The following ZNF367 variants were observed in gnomAD, a reference collection of about 807,000 sequenced individuals.
ZNF367 encodes the protein zinc finger protein 367.
In ZNF367, 11 loss-of-function variants were observed where a neutral mutation model predicts 31.8. The ratio of observed to expected loss-of-function variants is 0.35; its 90% CI spans 0.22 to 0.57. ZNF367 has a LOEUF of 0.57. Among genes scored for constraint, ZNF367 ranks in the 20% least tolerant of loss-of-function variants. The pLI, the probability that ZNF367 is intolerant of heterozygous loss-of-function variation, is 0.85. For synonymous variants in ZNF367, 199 were observed against 202.4 expected (o/e 0.98, Z 0.14); for missense variants, 353 against 484.1 (o/e 0.73, Z 2.54).
At chr9:96,390,106 C>A (rs904444013) in intron 4 of ZNF367, among the ~76,000 whole-genome samples, 1 of 151,538 alleles carries the variant, frequency 6.6e-6, no homozygotes, top group African/African-American at 2.4e-5. Context: ...AGGGTCCTGC[C>A]ATTTAGCCAG....
rs1441225416 is a variant in ZNF367, at chr9:96,417,421, G to A, written c.420+192C>T. On this transcript the variant is annotated intron_variant, in intron 1 of 4. Transcript: ENST00000375256. The surrounding 1 kb of genome is among the most constrained non-coding windows in gnomAD (Gnocchi z 5.0). Reference sequence around the variant, plus strand: ...AAGGACGGTCTCCCGCGCCGCTCCCGCCTGTCACGTGACAGGCCCCCCCCG... The same window carrying A: ...AAGGACGGTCTCCCGCGCCGCTCCCACCTGTCACGTGACAGGCCCCCCCCG... Among the ~76,000 whole-genome samples the A allele has an allele frequency of 1.6e-5, 2 of 127,740 alleles. No individual in the cohort carries two copies. Among genetic ancestry groups the A allele is most frequent in the Non-Finnish European group, 3.2e-5 (2 of 62,994 alleles). The allele number at this position is 127,740 out of a possible 152,430, so 83.8% of individuals were successfully genotyped here.
chr9:96,413,706 G>A (rs1339911121), intron 1 of ZNF367, among the ~76,000 whole-genome samples: 1 of 152,144 alleles, frequency 6.6e-6, no homozygotes, highest in Non-Finnish European at 1.5e-5. Flanking sequence ...TATGCCAACA[G>A]TGCTAAGCAC....
chr9:96,415,106 G>A (rs1467555600), intron 1 of ZNF367, among the ~76,000 whole-genome samples: 1 of 150,040 alleles, frequency 6.7e-6, no homozygotes, highest in East Asian at 2.0e-4. Context: ...CCAGGCTGGA[G>A]TGCAGTGGCA....
chr9:96,390,541 G>C (rs1291172606), intron 4 of ZNF367, among the ~76,000 whole-genome samples: 1 of 152,176 alleles, frequency 6.6e-6, no homozygotes, highest in Non-Finnish European at 1.5e-5. Flanking sequence ...GGCTGAATTT[G>C]AGTTAGTAAG....
At chr9:96,389,254 CG>C (rs1453185637) in intron 4 of ZNF367, among the ~76,000 whole-genome samples, 2 of 149,458 alleles carry the variant, frequency 1.3e-5, no homozygotes, top group Non-Finnish European at 3.0e-5. Context: ...AAGCTGAAGT[CG>C]GGCCGCTGCA....
chr9:96,393,220 T>TA (rs1159653992), intron 3 of ZNF367, among the ~76,000 whole-genome samples: 1 of 151,820 alleles, frequency 6.6e-6, no homozygotes, highest in East Asian at 1.9e-4. Context: ...CAAGAACATT[T>TA]AAAAAACAAA....
At chr9:96,415,519 A>G (rs1312849076) in intron 1 of ZNF367, among the ~76,000 whole-genome samples, 8 of 63,428 alleles carry the variant, frequency 1.3e-4, no homozygotes, top group Non-Finnish European at 5.6e-5. Flanking sequence ...TTTTTTTGAG[A>G]CGGAGTCTCA....
In ZNF367 at chr9:96,417,570, G is replaced by T; in HGVS notation, c.420+43C>A. The T allele has an allele frequency of 2.7e-6, 1 of 372,632 alleles. No homozygotes were observed. Among genetic ancestry groups the T allele is most frequent in the Non-Finnish European group, 4.6e-6 (1 of 218,310 alleles). 23.1% of individuals were successfully genotyped at this position (372,632 alleles called of 1,614,324 possible). A position where few individuals can be genotyped will look rare whatever the true frequency, so the allele number is the denominator to read the frequency against. ...GCCCGCCGCACCGTTAACGGGCCCC[G>T]GCTGCCCCACGTCCCGCCCGCCCGC... On this transcript the variant is annotated intron_variant, in intron 1 of 4. Coordinates refer to ENST00000375256, the MANE Select transcript of ZNF367 (RefSeq NM_153695.4). The surrounding 1 kb of genome is among the most constrained non-coding windows in gnomAD (Gnocchi z 5.0).
At chr9:96,400,102 A>G (rs1381478220) in intron 1 of ZNF367, among the ~76,000 whole-genome samples, 1 of 152,230 alleles carries the variant, frequency 6.6e-6, no homozygotes, top group Non-Finnish European at 1.5e-5. Flanking sequence ...AAAGAGTCTG[A>G]GAAGAAGAAC....
intron 4 of ZNF367, among the ~76,000 whole-genome samples, chr9:96,391,362 G>A (rs1209484289): frequency 6.6e-6 from 1 of 152,232 alleles, no homozygotes; most frequent in Non-Finnish European, 1.5e-5. Flanking sequence ...GAGCAGGTCA[G>A]GGAGGCCTTC....
chr9:96,408,974 C>T (rs577297558), intron 1 of ZNF367, among the ~76,000 whole-genome samples: 1 of 152,292 alleles, frequency 6.6e-6, no homozygotes, highest in African/African-American at 2.4e-5. Flanking sequence ...GAGGCGGAGC[C>T]TAGTGGAACG....
intron 1 of ZNF367, among the ~76,000 whole-genome samples, chr9:96,401,779 G>C (rs1831607379): frequency 6.6e-6 from 1 of 151,802 alleles, no homozygotes; most frequent in Non-Finnish European, 1.5e-5. Context: ...AGTAAGCCAA[G>C]ATTGCGCCCC....
intron 1 of ZNF367, among the ~76,000 whole-genome samples, chr9:96,408,694 G>A (rs1831703544): frequency 6.6e-6 from 1 of 152,130 alleles, no homozygotes; most frequent in Non-Finnish European, 1.5e-5. Flanking sequence ...TTGCACAACC[G>A]TTTACATATA....
chr9:96,393,110 A>G (rs1831492217), intron 3 of ZNF367, among the ~76,000 whole-genome samples: 1 of 152,216 alleles, frequency 6.6e-6, no homozygotes. Flanking sequence ...TCAAAACCTC[A>G]GACCCGAGAA....
At chr9:96,390,884 G>GAA (rs34868065) in intron 4 of ZNF367, among the ~76,000 whole-genome samples, 1,344 of 56,404 alleles carry the variant, frequency 0.024, 44 homozygotes, top group Non-Finnish European at 0.034. Flanking sequence ...ACCCTGTCTC[G>GAA]AAAAAAAAAA....
chr9:96,395,860 A>G (rs1469424406), intron 2 of ZNF367, among the ~76,000 whole-genome samples: 6 of 190 alleles, frequency 0.032, no homozygotes, highest in African/African-American at 0.25. Context: ...AAAATTTGTT[A>G]ATGATAATTA....
chr9:96,392,853 G>A (rs1465316301), intron 3 of ZNF367, among the ~76,000 whole-genome samples: 1 of 152,224 alleles, frequency 6.6e-6, no homozygotes, highest in East Asian at 1.9e-4. Context: ...GGGAGGCCGA[G>A]GCAGGCGAAT....
intron 1 of ZNF367, among the ~76,000 whole-genome samples, chr9:96,400,264 TG>T (rs1317919758): frequency 1.1e-4 from 16 of 151,672 alleles, no homozygotes; most frequent in African/African-American, 3.9e-4. Flanking sequence ...CCAGGCATGG[TG>T]GCACTTCTCC....
chr9:96,416,140 C>T (rs977097371), intron 1 of ZNF367, among the ~76,000 whole-genome samples: 12 of 144,180 alleles, frequency 8.3e-5, no homozygotes, highest in Non-Finnish European at 1.8e-4. Context: ...CAGGCTGGAG[C>T]GCAGTGGCCT....
Sources: allele counts gnomAD v4.1 joint callset (sites outside exome capture counted in the v4.1 genomes callset), GRCh38; gene constraint gnomAD v4.1.1; non-coding constraint Gnocchi (gnomAD v3.1); transcripts MANE v1.5; gene names NCBI Gene and HGNC (gene_info 2026-07-23, HGNC 2026-07-21).